The following SDCCAG8 variants were observed in gnomAD, a reference collection of about 807,000 sequenced individuals.
SDCCAG8 encodes serologically defined colon cancer antigen 8.
A neutral mutation model predicts 101.8 loss-of-function variants in SDCCAG8; 74 were observed. That is an observed-to-expected ratio of 0.73 (90% CI 0.60 to 0.88). The LOEUF is 0.88. SDCCAG8 is among the 40% of genes least tolerant of loss of function. SDCCAG8 has a pLI of 0.00. For missense variants in SDCCAG8, 787 were observed against 822.6 expected (o/e 0.96, Z 0.53); for synonymous variants, 281 against 292.9 (o/e 0.96, Z 0.41).
At chr1:243,433,464 A>G (rs541365126) in intron 16 of SDCCAG8, among the ~76,000 whole-genome samples, 1 of 152,052 alleles carries the variant, frequency 6.6e-6, no homozygotes, top group East Asian at 1.9e-4. Context: ...CAGAGTAGCC[A>G]TGGCAGCACC....
intron 9 of SDCCAG8, chr1:243,318,082 A>G: frequency 2.2e-6 from 1 of 456,696 alleles, no homozygotes. Context: ...GATGGAATCA[A>G]CCGAAATTGA....
At chr1:243,399,971 G>A (rs1336896859) in intron 13 of SDCCAG8, among the ~76,000 whole-genome samples, 1 of 152,208 alleles carries the variant, frequency 6.6e-6, no homozygotes, top group African/African-American at 2.4e-5. Flanking sequence ...GTATTCAGAG[G>A]TTAGTACCTT....
chr1:243,424,930 T>C (rs1477559093), intron 15 of SDCCAG8, among the ~76,000 whole-genome samples: 1 of 152,134 alleles, frequency 6.6e-6, no homozygotes, highest in Non-Finnish European at 1.5e-5. Flanking sequence ...TTTTCTTCTT[T>C]TGAAATTTAT....
chr1:243,353,516 A>AAAAAAAAG (rs2076215934), intron 12 of SDCCAG8, among the ~76,000 whole-genome samples: 3 of 148,624 alleles, frequency 2.0e-5, no homozygotes, highest in East Asian at 4.0e-4. Flanking sequence ...AAAAAAAAAA[A>AAAAAAAAG]AAAAAAAGAA....
At chr1:243,363,907 A>G (rs563233223) in intron 12 of SDCCAG8, among the ~76,000 whole-genome samples, 1 of 152,348 alleles carries the variant, frequency 6.6e-6, no homozygotes, top group African/African-American at 2.4e-5. Flanking sequence ...ATATTAGCTA[A>G]AAATCTACTT....
chr1:243,304,132 C>T (rs977459264), intron 6 of SDCCAG8, among the ~76,000 whole-genome samples: 17 of 152,010 alleles, frequency 1.1e-4, no homozygotes, highest in African/African-American at 3.9e-4. Flanking sequence ...CCCTAACCTC[C>T]ATGTTATTTA....
intron 16 of SDCCAG8, among the ~76,000 whole-genome samples, chr1:243,435,346 T>C (rs941734055): frequency 6.6e-6 from 1 of 152,214 alleles, no homozygotes; most frequent in Non-Finnish European, 1.5e-5. Flanking sequence ...TGCTACCTTG[T>C]AGGTTGTGAA....
chr1:243,286,539 A>G, intron 5 of SDCCAG8, 142 bp downstream of exon 5: 2 of 828,202 alleles, frequency 2.4e-6, no homozygotes, highest in Non-Finnish European at 4.0e-6. Context: ...GACCTCAAAT[A>G]TCAAACTTCA....
At chr1:243,469,649 A>G (rs1660824312) in intron 16 of SDCCAG8, among the ~76,000 whole-genome samples, 1 of 152,104 alleles carries the variant, frequency 6.6e-6, no homozygotes, top group Admixed American at 6.5e-5. Context: ...TAACTAGCTT[A>G]TTGCTCACCA....
intron 16 of SDCCAG8, among the ~76,000 whole-genome samples, chr1:243,430,642 A>T (rs1346488170): frequency 6.6e-6 from 1 of 151,118 alleles, no homozygotes; most frequent in African/African-American, 2.4e-5. Context: ...GTTTCACCGT[A>T]TTGGACAGCA....
Position 243,304,743 on chromosome 1 carries a change from T to C in SDCCAG8, c.706T>C (p.Cys236Arg). 1 of 1,596,040 alleles carries C rather than the reference T, an allele frequency of 6.3e-7. No homozygotes were observed. The highest frequency in any genetic ancestry group is 8.6e-7 in the Non-Finnish European group (1 of 1,163,720). ...GCTAAAACTTACTTATGAGGAAAAG[T>C]GTGAAATTGAGGAATCCCAATTGAA... Reference protein sequence around the residue: ...EKLKLTYEEKCEIEESQLKFL... With the variant: ...EKLKLTYEEKREIEESQLKFL... The change falls in exon 7 of 18, where the codon TGT becomes CGT. Residue 236 changes from cysteine to arginine, a missense_variant. By Grantham distance (180) the Cys-to-Arg change is radical (BLOSUM62 -3). Coordinates refer to ENST00000366541, the MANE Select transcript of SDCCAG8 (RefSeq NM_006642.5).
chr1:243,361,829 A>T (rs1211106162), intron 12 of SDCCAG8, among the ~76,000 whole-genome samples: 1 of 152,152 alleles, frequency 6.6e-6, no homozygotes, highest in African/African-American at 2.4e-5. Context: ...GGAGCTTATT[A>T]TAAGTTTTTT....
chr1:243,351,766 T>A, intron 12 of SDCCAG8, among the ~76,000 whole-genome samples: 1 of 152,272 alleles, frequency 6.6e-6, no homozygotes, highest in East Asian at 1.9e-4. Flanking sequence ...AATATGTTCA[T>A]TTAATAAAAG....
chr1:243,478,459 T>TC (rs1662842478), intron 16 of SDCCAG8, among the ~76,000 whole-genome samples: 1 of 152,116 alleles, frequency 6.6e-6, no homozygotes, highest in Non-Finnish European at 1.5e-5. Context: ...CTTGGGGGCA[T>TC]CCCCAAGGAG....
chr1:243,399,171 A>G (rs1030669782), intron 13 of SDCCAG8, among the ~76,000 whole-genome samples: 7 of 152,228 alleles, frequency 4.6e-5, no homozygotes, highest in African/African-American at 1.7e-4. Context: ...ATAATGTGTG[A>G]GAATGTTGAG....
chr1:243,315,823 G>A (rs990978910), intron 8 of SDCCAG8, among the ~76,000 whole-genome samples: 2 of 152,134 alleles, frequency 1.3e-5, no homozygotes, highest in African/African-American at 2.4e-5. Flanking sequence ...ATTTGAAACC[G>A]TGGTTTAGTC....
chr1:243,297,068 A>G (rs1242764886), intron 6 of SDCCAG8, among the ~76,000 whole-genome samples: 1 of 152,168 alleles, frequency 6.6e-6, no homozygotes, highest in Non-Finnish European at 1.5e-5. Flanking sequence ...GCTTCCTCCT[A>G]GTTACTGCCC....
chr1:243,459,517 GGGT>G (rs1658602210), intron 16 of SDCCAG8, among the ~76,000 whole-genome samples: 2 of 151,978 alleles, frequency 1.3e-5, no homozygotes, highest in African/African-American at 4.8e-5. Flanking sequence ...GGGGGGTGGG[GGGT>G]GGAAATAATT....
chr1:243,302,373 T>C (rs1425248565), intron 6 of SDCCAG8, among the ~76,000 whole-genome samples: 1 of 152,180 alleles, frequency 6.6e-6, no homozygotes. Flanking sequence ...GGACATTTAT[T>C]AGTAAGGAAG....
Sources: gnomAD v4.1 joint callset for allele counts (sites outside exome capture counted in the v4.1 genomes callset) on GRCh38, gnomAD v4.1.1 for gene constraint, MANE v1.5 for transcripts, NCBI Gene and HGNC (gene_info 2026-07-23, HGNC 2026-07-21) for gene names.